The following HPSE2 variants were observed in gnomAD, a reference collection of about 807,000 sequenced individuals.
The protein encoded by HPSE2 is inactive heparanase-2.
HPSE2 carries 38 observed loss-of-function variants against 60.5 expected under a neutral mutation model. The ratio of observed to expected loss-of-function variants is 0.63; its 90% CI spans 0.48 to 0.82. HPSE2 has a LOEUF of 0.82. Ranked by LOEUF, HPSE2 falls within the 40% of genes least tolerant of loss-of-function variation. The pLI is 0.00. For missense variants in HPSE2, 713 were observed against 740.4 expected, an observed-to-expected ratio of 0.96 and a Z score of 0.43; for synonymous variants, 295 against 293.2, an observed-to-expected ratio of 1.01 and a Z score of -0.06.
chr10:98,773,899 T>A (rs1187935193), intron 3 of HPSE2, among the ~76,000 whole-genome samples: 3 of 151,968 alleles, frequency 2.0e-5, no homozygotes, highest in Non-Finnish European at 4.4e-5. Context: ...CTACAAAAAA[T>A]TTTAAAAATT....
At chr10:99,266,811 T>C in the HPSE2 span, among the ~76,000 whole-genome samples, 1 of 152,140 alleles carries the variant, frequency 6.6e-6, no homozygotes, top group Admixed American at 6.5e-5. Flanking sequence ...CTGAAGATTG[T>C]TCACATCACA....
chr10:98,887,088 C>T (rs1384014349), intron 3 of HPSE2, among the ~76,000 whole-genome samples: 1 of 152,080 alleles, frequency 6.6e-6, no homozygotes, highest in East Asian at 1.9e-4. Flanking sequence ...GATTAATATA[C>T]CAAACAATGA....
intron 3 of HPSE2, among the ~76,000 whole-genome samples, chr10:98,867,502 G>A (rs1952619126): frequency 6.6e-6 from 1 of 152,078 alleles, no homozygotes; most frequent in Non-Finnish European, 1.5e-5. Flanking sequence ...AATAACAAAT[G>A]CTGACGAGCA....
intron 3 of HPSE2, among the ~76,000 whole-genome samples, chr10:99,058,166 A>G (rs1958155882): frequency 6.6e-6 from 1 of 152,172 alleles, no homozygotes; most frequent in African/African-American, 2.4e-5. Context: ...TGACTGGGAG[A>G]GATTCTCCAC....
chr10:98,987,231 G>T (rs962789954), intron 3 of HPSE2, among the ~76,000 whole-genome samples: 2 of 151,862 alleles, frequency 1.3e-5, no homozygotes, highest in Non-Finnish European at 2.9e-5. Flanking sequence ...AATGAACATC[G>T]ACGCAAAAAT....
chr10:99,159,089 A>C (rs1308856112), intron 2 of HPSE2, among the ~76,000 whole-genome samples: 1 of 152,118 alleles, frequency 6.6e-6, no homozygotes, highest in Non-Finnish European at 1.5e-5. Flanking sequence ...TCAATAATCT[A>C]AGTTCGCACT....
At chr10:98,772,938 C>T (rs1950270617) in intron 3 of HPSE2, among the ~76,000 whole-genome samples, 1 of 152,158 alleles carries the variant, frequency 6.6e-6, no homozygotes, top group African/African-American at 2.4e-5. Context: ...ACAGTTCTTC[C>T]ATTAGGCTGA....
At chr10:98,908,683 C>CAAAAAAA (rs35913499) in intron 3 of HPSE2, among the ~76,000 whole-genome samples, 2 of 66,106 alleles carry the variant, frequency 3.0e-5, no homozygotes, top group African/African-American at 6.0e-5. Flanking sequence ...AGCTCCATCT[C>CAAAAAAA]AAAAAAAAAA....
intron 3 of HPSE2, among the ~76,000 whole-genome samples, chr10:99,107,507 A>C (rs1844295545): frequency 6.6e-6 from 1 of 152,182 alleles, no homozygotes; most frequent in African/African-American, 2.4e-5. Context: ...AGCAACACTA[A>C]GCATAAATTT....
At chr10:99,295,633 G>A in the HPSE2 span, among the ~76,000 whole-genome samples, 1 of 152,024 alleles carries the variant, frequency 6.6e-6, no homozygotes, top group Non-Finnish European at 1.5e-5. Flanking sequence ...CCATACTTTT[G>A]CTGATGAGAG....
chr10:98,978,418 T>A (rs1247329547), intron 3 of HPSE2, among the ~76,000 whole-genome samples: 1 of 152,168 alleles, frequency 6.6e-6, no homozygotes, highest in Non-Finnish European at 1.5e-5. Context: ...TGAATCTTGT[T>A]TTCCTTCTGT....
chr10:98,628,835 A>G (rs761489539), intron 7 of HPSE2, among the ~76,000 whole-genome samples: 8 of 152,156 alleles, frequency 5.3e-5, no homozygotes, highest in Non-Finnish European at 8.8e-5. Context: ...ATAGGGAGAC[A>G]GAAAGAGAGG....
chr10:99,196,492 A>G (rs946971686), intron 2 of HPSE2, among the ~76,000 whole-genome samples: 3 of 152,152 alleles, frequency 2.0e-5, no homozygotes, highest in Non-Finnish European at 2.9e-5. Context: ...ATACATAAGG[A>G]GCCCAAACAA....
intron 9 of HPSE2, among the ~76,000 whole-genome samples, chr10:98,550,764 G>A (rs185448041): frequency 7.0e-4 from 107 of 151,814 alleles, no homozygotes; most frequent in Admixed American, 6.8e-3. Flanking sequence ...GTGAGCCACC[G>A]CGCCTGGCCT....
rs1263985932 is a variant in HPSE2 at position 98,940,309 on chromosome 10, G to A, written c.611-196253C>T. On this transcript the variant is annotated intron_variant, in intron 3 of 11. Transcript: ENST00000370552. ...GAATCCAGGAGCTGGTTTTTTGAAAGGATCAACAAAATTGACAGACTGCTA... is the reference window on the plus strand; with the variant it reads ...GAATCCAGGAGCTGGTTTTTTGAAAAGATCAACAAAATTGACAGACTGCTA... 2.8e-5 allele frequency among the ~76,000 whole-genome samples: 4 copies of A among 143,256 alleles called. 1 individual carries two copies. Among genetic ancestry groups the A allele is most frequent in the Non-Finnish European group, 6.0e-5 (4 of 67,016 alleles). The allele number at this position is 143,256 out of a possible 152,430, so 94.0% of individuals were successfully genotyped here. A position where few individuals can be genotyped will look rare whatever the true frequency, so the allele number is the denominator to read the frequency against.
chr10:99,314,215 T>C, the HPSE2 span, among the ~76,000 whole-genome samples: 1 of 152,238 alleles, frequency 6.6e-6, no homozygotes, highest in East Asian at 1.9e-4. Context: ...CAGGCTGGAA[T>C]GCAGTGCCAC....
chr10:98,656,002 T>C (rs1272377010), intron 6 of HPSE2, among the ~76,000 whole-genome samples: 1 of 152,176 alleles, frequency 6.6e-6, no homozygotes, highest in Non-Finnish European at 1.5e-5. Context: ...CCAACAGATG[T>C]GAACAGGATA....
intron 3 of HPSE2, among the ~76,000 whole-genome samples, chr10:98,818,676 G>A (rs919920925): frequency 2.6e-5 from 4 of 152,086 alleles, no homozygotes; most frequent in African/African-American, 9.7e-5. Context: ...TAAACCAGTA[G>A]ATTAAAACAA....
At chr10:98,482,088 T>C (rs1035471165) in intron 11 of HPSE2, among the ~76,000 whole-genome samples, 7 of 152,160 alleles carry the variant, frequency 4.6e-5, no homozygotes, top group Non-Finnish European at 8.8e-5. Flanking sequence ...GATGGAGCAG[T>C]GATGTGCTCA....
Sources: allele counts gnomAD v4.1 joint callset (sites outside exome capture counted in the v4.1 genomes callset), GRCh38; gene constraint gnomAD v4.1.1; transcripts MANE v1.5; gene names NCBI Gene and HGNC (gene_info 2026-07-23, HGNC 2026-07-21).